The following TRPM3 variants were observed in gnomAD, a reference collection of about 807,000 sequenced individuals.
The protein encoded by TRPM3 is long transient receptor potential channel 3.
In TRPM3, 77 loss-of-function variants were observed where a neutral mutation model predicts 181.2. The observed-to-expected ratio is 0.42, with a 90% CI of 0.35 to 0.51. TRPM3 has a LOEUF of 0.51. Among genes scored for constraint, TRPM3 ranks in the 20% least tolerant of loss-of-function variants. TRPM3 has a pLI of 0.01. For missense variants in TRPM3, 1,759 were observed against 2,196.7 expected (o/e 0.80, Z 3.98); for synonymous variants, 745 against 796.4 (o/e 0.94, Z 1.09).
intron 8 of TRPM3, among the ~76,000 whole-genome samples, chr9:70,738,374 T>C (rs1291919604): frequency 1.3e-5 from 2 of 152,144 alleles, no homozygotes; most frequent in South Asian, 2.1e-4. Flanking sequence ...ATTGTGCACA[T>C]GTACCCTAAA....
intron 1 of TRPM3, among the ~76,000 whole-genome samples, chr9:71,382,621 G>C (rs374732263): frequency 1.3e-5 from 2 of 151,572 alleles, no homozygotes; most frequent in African/African-American, 4.8e-5. Flanking sequence ...TCATATAAGT[G>C]GCATTCTTGA....
At chr9:71,219,890 T>C (rs1323288711) in intron 1 of TRPM3, among the ~76,000 whole-genome samples, 1 of 152,170 alleles carries the variant, frequency 6.6e-6, no homozygotes, top group Non-Finnish European at 1.5e-5. Flanking sequence ...TGTACAAAAT[T>C]GTGTATGTGT....
At chr9:70,662,416 A>T (rs1321407855) in intron 9 of TRPM3, among the ~76,000 whole-genome samples, 1 of 151,992 alleles carries the variant, frequency 6.6e-6, no homozygotes, top group African/African-American at 2.4e-5. Flanking sequence ...ACAAAAATAA[A>T]TTGCTTCTTC....
In TRPM3 at chr9:71,441,762, A is replaced by G. The variant is rs145345602; in HGVS notation, c.183+4891T>C. Among the ~76,000 whole-genome samples, 593 of 151,328 alleles carry G rather than the reference A, an allele frequency of 3.9e-3. 5 individuals carry two copies. The highest frequency in any genetic ancestry group is 6.3e-3 in the Admixed American group (96 of 15,140). ...ATTCTCTTGCCTCAGCCTCCTGAGT[A>G]GCTGGGACTACAGTCGCGCACTACC... On this transcript the variant is annotated intron_variant, in intron 1 of 24. Coordinates refer to the TRPM3 transcript ENST00000357533.
chr9:71,341,465 C>A (rs899527008), intron 1 of TRPM3, among the ~76,000 whole-genome samples: 1 of 151,928 alleles, frequency 6.6e-6, no homozygotes, highest in African/African-American at 2.4e-5. Context: ...GATAATGCAC[C>A]ACCTCAACCT....
At chr9:70,766,714 G>A (rs2079203077) in intron 7 of TRPM3, among the ~76,000 whole-genome samples, 1 of 152,150 alleles carries the variant, frequency 6.6e-6, no homozygotes, top group South Asian at 2.1e-4. Context: ...TGTAAAAGTT[G>A]CCACTTCCTC....
At chr9:70,867,371 G>T (rs1213665757) in intron 1 of TRPM3, among the ~76,000 whole-genome samples, 2 of 152,078 alleles carry the variant, frequency 1.3e-5, no homozygotes, top group Non-Finnish European at 1.5e-5. Context: ...GAAAGCACTG[G>T]AAGTTTTAGT....
chr9:71,138,378 G>A (rs1349954470), intron 1 of TRPM3, among the ~76,000 whole-genome samples: 3 of 152,074 alleles, frequency 2.0e-5, no homozygotes, highest in South Asian at 2.1e-4. Flanking sequence ...CCGTGCATAC[G>A]CTATGGTTGC....
intron 8 of TRPM3, among the ~76,000 whole-genome samples, chr9:70,739,521 AAT>A (rs1486872208): frequency 2.6e-5 from 4 of 152,150 alleles, no homozygotes; most frequent in Non-Finnish European, 5.9e-5. Flanking sequence ...CAGCCAACAT[AAT>A]ACTGAATGAG....
intron 1 of TRPM3, among the ~76,000 whole-genome samples, chr9:71,299,740 T>C (rs900097223): frequency 6.6e-6 from 1 of 152,138 alleles, no homozygotes; most frequent in Non-Finnish European, 1.5e-5. Flanking sequence ...TTATTTTCTG[T>C]TGGCTAACAC....
At chr9:70,626,301 C>T (rs1471462256) in intron 12 of TRPM3, among the ~76,000 whole-genome samples, 1 of 152,214 alleles carries the variant, frequency 6.6e-6, no homozygotes, top group African/African-American at 2.4e-5. Flanking sequence ...TTAATCCACT[C>T]TCACTGCCTG....
At chr9:71,193,749 G>A (rs544961526) in intron 1 of TRPM3, among the ~76,000 whole-genome samples, 143 of 151,586 alleles carry the variant, frequency 9.4e-4, no homozygotes, top group African/African-American at 3.2e-3. Flanking sequence ...ACCATCCACC[G>A]GATTCCAAGT....
chr9:70,823,591 T>G (rs2093348327), intron 6 of TRPM3, among the ~76,000 whole-genome samples: 1 of 152,232 alleles, frequency 6.6e-6, no homozygotes, highest in African/African-American at 2.4e-5. Context: ...ACAAGTGCAC[T>G]GATAGATGCT....
At chr9:71,103,946 G>A (rs144085391) in intron 1 of TRPM3, among the ~76,000 whole-genome samples, 18 of 150,484 alleles carry the variant, frequency 1.2e-4, no homozygotes, top group Admixed American at 6.7e-4. Flanking sequence ...ACAGAGTCTC[G>A]TTTTGTTGCC....
intron 1 of TRPM3, among the ~76,000 whole-genome samples, chr9:71,363,665 T>G (rs1468841613): frequency 6.6e-6 from 1 of 152,204 alleles, no homozygotes; most frequent in Non-Finnish European, 1.5e-5. Context: ...GCTAACTCAT[T>G]CTCACCCATC....
intron 1 of TRPM3, among the ~76,000 whole-genome samples, chr9:71,073,471 G>A (rs2063042960): frequency 6.6e-6 from 1 of 152,136 alleles, no homozygotes; most frequent in Non-Finnish European, 1.5e-5. Context: ...TTGAGAAAGT[G>A]TAGAAGTCTC....
chr9:71,170,795 T>A (rs970846133), intron 1 of TRPM3, among the ~76,000 whole-genome samples: 4 of 152,146 alleles, frequency 2.6e-5, no homozygotes, highest in South Asian at 2.1e-4. Flanking sequence ...TTGTACAGCA[T>A]GTGTGTTTGA....
At chr9:71,425,799 C>A (rs1422017431) in intron 1 of TRPM3, among the ~76,000 whole-genome samples, 1 of 152,122 alleles carries the variant, frequency 6.6e-6, no homozygotes, top group Admixed American at 6.6e-5. Flanking sequence ...AATCTGGCCC[C>A]ATGTTTCTCC....
intron 1 of TRPM3, among the ~76,000 whole-genome samples, chr9:71,112,693 C>T (rs949541540): frequency 1.3e-5 from 2 of 152,102 alleles, no homozygotes; most frequent in African/African-American, 4.8e-5. Context: ...AGATATGATT[C>T]TCAACTTCAA....
Sources: allele counts gnomAD v4.1 joint callset (sites outside exome capture counted in the v4.1 genomes callset), GRCh38; gene constraint gnomAD v4.1.1; transcripts MANE v1.5; gene names NCBI Gene and HGNC (gene_info 2026-07-23, HGNC 2026-07-21).